Variants in SIRPA observed in about 807,000 individuals in gnomAD.
SIRPA encodes the protein tyrosine-protein phosphatase non-receptor type substrate 1.
In SIRPA, 9 loss-of-function variants were observed where a neutral mutation model predicts 50.3. The ratio of observed to expected loss-of-function variants is 0.18; its 90% CI spans 0.11 to 0.31. SIRPA has a LOEUF of 0.31. SIRPA is among the 10% of genes least tolerant of loss of function. The pLI, the probability that SIRPA is intolerant of heterozygous loss-of-function variation, is 1.00. For synonymous variants in SIRPA, 265 were observed against 284.1 expected, an observed-to-expected ratio of 0.93 and a Z score of 0.68; for missense variants, 474 against 661.6, an observed-to-expected ratio of 0.72 and a Z score of 3.11.
chr20:1,926,227 C>G (rs945272977), intron 5 of SIRPA, among the ~76,000 whole-genome samples: 1 of 152,240 alleles, frequency 6.6e-6, no homozygotes, highest in African/African-American at 2.4e-5. Flanking sequence ...GCAAGACGTC[C>G]CACCAAGACG....
Position 1,910,239 on chromosome 20 carries a change from G to A in SIRPA, c.80-4860G>A, listed in dbSNP as rs377750752. ...AAGGATCCAGAATGCAGCACTGACC[G>A]CACTTGCTGTGGACACTGAGTTCCT... On this transcript the variant is annotated intron_variant, in intron 1 of 7. Transcript: ENST00000358771. Among the ~76,000 whole-genome samples the A allele has an allele frequency of 2.6e-5, 4 of 152,296 alleles. No homozygotes were observed. In the East Asian group the frequency reaches 5.8e-4, roughly 22 times the overall value.
Position 1,928,129 on chromosome 20 carries a change from C to T in SIRPA, c.1226+230C>T, listed in dbSNP as rs1046151611. Reference sequence around the variant, plus strand: ...GTGCTAATTTCTTGCCTGCTCTTCCCAGACAACGAGACCCTTGTCTAATCC... The same window carrying T: ...GTGCTAATTTCTTGCCTGCTCTTCCTAGACAACGAGACCCTTGTCTAATCC... On this transcript the variant is annotated intron_variant, in intron 6 of 7. Transcript: ENST00000358771. The surrounding 1 kb of genome is among the most constrained non-coding windows in gnomAD (Gnocchi z 4.9). Among the ~76,000 whole-genome samples the T allele has an allele frequency of 6.6e-6, 1 of 152,188 alleles. No homozygotes were observed. The highest frequency in any genetic ancestry group is 1.5e-5 in the Non-Finnish European group (1 of 68,046).
intron 2 of SIRPA, among the ~76,000 whole-genome samples, chr20:1,917,319 C>T (rs1406883609): frequency 6.6e-6 from 1 of 152,148 alleles, no homozygotes; most frequent in Non-Finnish European, 1.5e-5. Flanking sequence ...AAGGTTTGAT[C>T]CCCACCAGCC....
chr20:1,917,030 A>G (rs1400522289), intron 2 of SIRPA, among the ~76,000 whole-genome samples: 1 of 152,180 alleles, frequency 6.6e-6, no homozygotes, highest in Admixed American at 6.5e-5. Flanking sequence ...TGCCTAGACA[A>G]TCACAGCAAA....
chr20:1,906,779 A>G (rs972326913), intron 1 of SIRPA, among the ~76,000 whole-genome samples: 1 of 152,188 alleles, frequency 6.6e-6, no homozygotes, highest in South Asian at 2.1e-4. Flanking sequence ...CAGGGAGGTC[A>G]GCGTGGAGGT....
intron 1 of SIRPA, among the ~76,000 whole-genome samples, chr20:1,897,943 G>A (rs1288807149): frequency 6.6e-6 from 1 of 152,246 alleles, no homozygotes. Context: ...TGGGAGAAGG[G>A]CAAGGGACTG....
At chr20:1,930,483 G>A (rs1032381845) in intron 6 of SIRPA, among the ~76,000 whole-genome samples, 4 of 152,256 alleles carry the variant, frequency 2.6e-5, no homozygotes, top group African/African-American at 9.6e-5. Flanking sequence ...CTAAACCACT[G>A]TAGCACGTCC....
At position 1,938,980 on chromosome 20, in the gene SIRPA, C is replaced by T. The variant is rs1600472912; in HGVS notation, c.*1412C>T. ...AATCTTCCATTTCTGCTCTCAAACC[C>T]TACTGGGATCAAACTGGAATAAATT... On this transcript the variant is annotated 3_prime_UTR_variant, in exon 8 of 8. Transcript: ENST00000358771. 1 of 152,678 alleles carries T rather than the reference C, an allele frequency of 6.5e-6. No homozygotes were observed. Among genetic ancestry groups the T allele is most frequent in the Non-Finnish European group, 1.5e-5 (1 of 68,084 alleles). The allele number at this position is 152,678 out of a possible 1,614,324, so 9.5% of individuals were successfully genotyped here. A position where few individuals can be genotyped will look rare whatever the true frequency, so the allele number is the denominator to read the frequency against.
upstream of SIRPA, chr20:1,895,239 T>C: frequency 2.4e-6 from 1 of 417,328 alleles, no homozygotes; most frequent in Admixed American, 4.9e-5. Flanking sequence ...AGTCTCCGTC[T>C]CTCCATTTCT....
At chr20:1,935,091 T>C (rs1399958974) in intron 7 of SIRPA, among the ~76,000 whole-genome samples, 1 of 152,076 alleles carries the variant, frequency 6.6e-6, no homozygotes, top group Non-Finnish European at 1.5e-5. Context: ...CCCAGGCCCA[T>C]CCCTCTACCA....
Position 1,924,254 on chromosome 20 carries a change from A to C in SIRPA, c.1088-510A>C, listed in dbSNP as rs552052732. Among the ~76,000 whole-genome samples, 2,709 of 152,184 alleles carry C rather than the reference A, an allele frequency of 0.018. 38 individuals carry two copies. The highest frequency in any genetic ancestry group is 0.092 in the Middle Eastern group (27 of 294). On this transcript the variant is annotated intron_variant, in intron 4 of 7. Transcript: ENST00000358771. This position sits in a 1 kb window ranked among gnomAD's most constrained non-coding sequence, Gnocchi z 4.5. ...CTGTGGGCAGTCAAGCCTCCATTGTATTTTCAAGAGTCCTGGTTCAGAGCC... is the reference window on the plus strand; with the variant it reads ...CTGTGGGCAGTCAAGCCTCCATTGTCTTTTCAAGAGTCCTGGTTCAGAGCC...
At chr20:1,922,272 C>G (rs554934755) in intron 3 of SIRPA, 41 bp from the exon 4 acceptor site, 2 of 1,611,716 alleles carry the variant, frequency 1.2e-6, no homozygotes, top group Admixed American at 3.3e-5. Flanking sequence ...TGTGATCTGT[C>G]TGTGCCACAA....
intron 1 of SIRPA, among the ~76,000 whole-genome samples, chr20:1,904,359 C>G (rs1319184432): frequency 6.6e-6 from 1 of 152,202 alleles, no homozygotes; most frequent in Non-Finnish European, 1.5e-5. Flanking sequence ...TAGTGCTGCA[C>G]TCTTGGCTGG....
intron 1 of SIRPA, among the ~76,000 whole-genome samples, chr20:1,913,135 G>C (rs1985004497): frequency 1.3e-5 from 2 of 152,236 alleles, no homozygotes; most frequent in Non-Finnish European, 2.9e-5. Flanking sequence ...AAAAGCAGTT[G>C]AGGTCTTAAG....
intron 1 of SIRPA, among the ~76,000 whole-genome samples, chr20:1,910,918 CT>C (rs957738305): frequency 2.6e-5 from 4 of 151,758 alleles, no homozygotes; most frequent in South Asian, 4.2e-4. Context: ...TTTTCTCCAT[CT>C]TTTTTTTTCT....
In SIRPA at chr20:1,915,173, A is replaced by G. The variant is rs772867783; in HGVS notation, c.154A>G (p.Thr52Ala). The G allele has an allele frequency of 8.9e-6, 13 of 1,463,280 alleles. No homozygotes were observed. The South Asian group carries it at 1.6e-4, about 18-fold the overall frequency. The allele number at this position is 1,463,280 out of a possible 1,614,324, so 90.6% of individuals were successfully genotyped here. A position where few individuals can be genotyped will look rare whatever the true frequency, so the allele number is the denominator to read the frequency against. ...SVLVAAGETA[T>A]LRCTATSLIP... ...GTTGGTTGCAGCTGGAGAGACAGCC[A>G]CTCTGCGCTGCACTGCGACCTCTCT... The change falls in exon 2 of 8, where the codon ACT (threonine) becomes GCT (alanine). Residue 52 changes from threonine (T) to alanine (A), a missense_variant. Physicochemically the swap from Thr to Ala is moderately conservative, Grantham distance 58. This residue lies in a region of SIRPA where 72 missense variants were observed against 76.2 expected (regional missense o/e 0.94). Transcript: ENST00000358771.
intron 1 of SIRPA, among the ~76,000 whole-genome samples, chr20:1,909,659 G>A (rs947311441): frequency 5.9e-5 from 9 of 152,162 alleles, no homozygotes; most frequent in Non-Finnish European, 1.3e-4. Context: ...GCAGGCGCCT[G>A]CAACCCCAGC....
intron 1 of SIRPA, 148 bp from the exon 2 acceptor site, chr20:1,914,951 G>C: frequency 2.7e-6 from 2 of 728,812 alleles, no homozygotes; most frequent in Non-Finnish European, 2.3e-6. Context: ...TTTGTTGTGA[G>C]GGTCAAATGA....
Position 1,922,616 on chromosome 20 carries a change from C to G in SIRPA, c.1058C>G (p.Pro353Arg), listed in dbSNP as rs138876160. 2 of 1,613,250 alleles carry G rather than the reference C, an allele frequency of 1.2e-6. No individual in the cohort carries two copies. Among genetic ancestry groups the G allele is most frequent in the Non-Finnish European group, 1.7e-6 (2 of 1,179,602 alleles). ...CATGACCTGAAGGTCTCAGCCCACC[C>G]GAAGGAGCAGGGCTCAAATACCGCC... ...KSHDLKVSAHPKEQGSNTAAE... is the reference protein window; with the variant it reads ...KSHDLKVSAHRKEQGSNTAAE... Residue 353 changes from proline (P) to arginine (R), a missense_variant, in exon 4 of 8, where the codon CCG becomes CGG. Pro to Arg is a moderately radical substitution (Grantham distance 103). This residue lies in a region of SIRPA where 180 missense variants were observed against 206.7 expected (regional missense o/e 0.87). Transcript: ENST00000358771.
Sources: allele counts gnomAD v4.1 joint callset (sites outside exome capture counted in the v4.1 genomes callset), GRCh38; gene constraint gnomAD v4.1.1; regional missense constraint gnomAD v4.1.1; non-coding constraint Gnocchi (gnomAD v3.1); transcripts MANE v1.5; gene names NCBI Gene and HGNC (gene_info 2026-07-23, HGNC 2026-07-21).